The following CGGBP1 variants were observed in gnomAD, a reference collection of about 807,000 sequenced individuals.
The protein encoded by CGGBP1 is CGG triplet repeat binding protein 1.
In CGGBP1, 4 loss-of-function variants were observed where a neutral mutation model predicts 11.4. That is an observed-to-expected ratio of 0.35 (90% CI 0.17 to 0.80). The LOEUF is 0.80. Among genes scored for constraint, CGGBP1 ranks in the 30% least tolerant of loss-of-function variants. The pLI is 0.52. For missense variants in CGGBP1, 135 were observed against 202.1 expected (o/e 0.67, Z 2.01); for synonymous variants, 76 against 74.1 (o/e 1.03, Z -0.13).
intron 2 of CGGBP1, among the ~76,000 whole-genome samples, chr3:88,100,542 A>G (rs920396172): frequency 2.6e-5 from 4 of 152,216 alleles, no homozygotes; most frequent in African/African-American, 9.6e-5. Flanking sequence ...TCACAATAGC[A>G]GAGACTTTGA....
chr3:88,075,632 T>C (rs1478543522), intron 2 of CGGBP1, among the ~76,000 whole-genome samples: 4 of 152,220 alleles, frequency 2.6e-5, no homozygotes, highest in Admixed American at 2.6e-4. Flanking sequence ...ATTGGCAGAA[T>C]AAACATTCCT....
chr3:88,075,276 T>A (rs1707738546), intron 2 of CGGBP1, among the ~76,000 whole-genome samples: 3 of 152,246 alleles, frequency 2.0e-5, no homozygotes. Context: ...TCAAGCATAG[T>A]CATTTCCTTG....
At chr3:88,089,487 G>GT (rs1401930654) in intron 2 of CGGBP1, among the ~76,000 whole-genome samples, 11 of 58,922 alleles carry the variant, frequency 1.9e-4, no homozygotes, top group East Asian at 6.1e-4. Flanking sequence ...GCAAAACTCT[G>GT]TTTAAAAAAA....
chr3:88,056,123 CTGTGT>C, intron 3 of CGGBP1, 124 bp from the exon 4 acceptor site: 1 of 669,952 alleles, frequency 1.5e-6, no homozygotes, highest in Non-Finnish European at 2.4e-6. Flanking sequence ...AATTAGTAGA[CTGTGT>C]GTCTATTAAT....
At chr3:88,149,427 C>A (rs1173185265) in intron 1 of CGGBP1, among the ~76,000 whole-genome samples, 2 of 152,280 alleles carry the variant, frequency 1.3e-5, no homozygotes, top group African/African-American at 4.8e-5. Context: ...AAGAGACGGT[C>A]CCGGCGTGTT....
intron 2 of CGGBP1, among the ~76,000 whole-genome samples, chr3:88,067,739 G>A (rs532255572): frequency 6.6e-6 from 1 of 152,332 alleles, no homozygotes; most frequent in Admixed American, 6.5e-5. Flanking sequence ...TTTTGGTGTA[G>A]TGATGGGATC....
upstream of CGGBP1, among the ~76,000 whole-genome samples, chr3:88,061,840 A>G (rs929670555): frequency 2.6e-4 from 40 of 152,182 alleles, no homozygotes; most frequent in Admixed American, 1.0e-3. Flanking sequence ...GAGTAATGCA[A>G]TGGATATTGT....
intron 2 of CGGBP1, among the ~76,000 whole-genome samples, chr3:88,079,933 AT>A (rs1406653933): frequency 6.6e-6 from 1 of 152,028 alleles, no homozygotes; most frequent in Non-Finnish European, 1.5e-5. Flanking sequence ...CTTAGAATGT[AT>A]TTCTAAACCA....
At chr3:88,093,464 A>G (rs1159228675) in intron 2 of CGGBP1, among the ~76,000 whole-genome samples, 5 of 152,200 alleles carry the variant, frequency 3.3e-5, no homozygotes, top group Non-Finnish European at 4.4e-5. Flanking sequence ...TAGGTCCACA[A>G]GAATCACTGG....
At chr3:88,139,681 A>G in intron 2 of CGGBP1, 1 of 1,600,084 alleles carries the variant, frequency 6.2e-7, no homozygotes, top group Non-Finnish European at 8.5e-7. Flanking sequence ...GTACCAGAAG[A>G]TGTTATTGAA....
At chr3:88,078,284 GA>G (rs1450700249) in intron 2 of CGGBP1, among the ~76,000 whole-genome samples, 1 of 152,100 alleles carries the variant, frequency 6.6e-6, no homozygotes, top group African/African-American at 2.4e-5. Context: ...GCTTTGCATA[GA>G]AAAATAAAAC....
intron 2 of CGGBP1, among the ~76,000 whole-genome samples, chr3:88,101,776 T>C (rs928880922): frequency 2.0e-5 from 3 of 152,208 alleles, no homozygotes; most frequent in African/African-American, 7.2e-5. Context: ...ATTAAAATTC[T>C]AACCAATTTC....
intron 2 of CGGBP1, among the ~76,000 whole-genome samples, chr3:88,080,700 G>A (rs1467612286): frequency 6.6e-6 from 1 of 152,030 alleles, no homozygotes; most frequent in Admixed American, 6.5e-5. Flanking sequence ...CAAATCTTGA[G>A]GTGCAAATAG....
At chr3:88,069,604 A>T (rs1230857291) in intron 2 of CGGBP1, among the ~76,000 whole-genome samples, 2 of 152,266 alleles carry the variant, frequency 1.3e-5, no homozygotes, top group Middle Eastern at 3.4e-3. Context: ...TGCCTTATAT[A>T]ATTGGCAAGC....
At chr3:88,067,480 A>T (rs1218468504) in intron 2 of CGGBP1, among the ~76,000 whole-genome samples, 2 of 152,226 alleles carry the variant, frequency 1.3e-5, no homozygotes, top group Non-Finnish European at 2.9e-5. Flanking sequence ...AAAGTAGACT[A>T]GGAAAAGGAG....
At chr3:88,065,429 C>A (rs552870386) in intron 2 of CGGBP1, among the ~76,000 whole-genome samples, 1 of 152,116 alleles carries the variant, frequency 6.6e-6, no homozygotes, top group East Asian at 1.9e-4. Flanking sequence ...ATAATGTAAT[C>A]CTATGTCCCT....
rs1311714672 is a variant in CGGBP1 at position 88,142,443 on chromosome 3, A to G, written c.-337-1365T>C. ...CAGTACTCTGGGGAGAGATGAAAGG[A>G]ATCTAAGACTTTACAGGCTTTGTAG... On this transcript the variant is annotated intron_variant, in intron 1 of 3. Coordinates refer to the CGGBP1 transcript ENST00000462901. 2.6e-5 allele frequency: 4 copies of G among 152,502 alleles called. No individual in the cohort carries two copies. The East Asian group carries it at 7.7e-4, about 29-fold the overall frequency. 9.4% of individuals were successfully genotyped at this position (152,502 alleles called of 1,614,324 possible).
chr3:88,099,850 A>T (rs752224199), intron 2 of CGGBP1, among the ~76,000 whole-genome samples: 89 of 152,374 alleles, frequency 5.8e-4, no homozygotes, highest in Non-Finnish European at 9.8e-4. Context: ...CTTAAATGTT[A>T]GACCTAAAAC....
At chr3:88,130,901 T>C (rs1424672287) in intron 2 of CGGBP1, among the ~76,000 whole-genome samples, 1 of 152,278 alleles carries the variant, frequency 6.6e-6, no homozygotes, top group South Asian at 2.1e-4. Context: ...CTAATTTTTA[T>C]TTAAAATTAT....
Sources: allele counts gnomAD v4.1 joint callset (sites outside exome capture counted in the v4.1 genomes callset), GRCh38; gene constraint gnomAD v4.1.1; transcripts MANE v1.5; gene names NCBI Gene and HGNC (gene_info 2026-07-23, HGNC 2026-07-21).